SGCD: variants seen among roughly 807,000 people sequenced by gnomAD.
SGCD encodes sarcoglycan delta.
In SGCD, 18 loss-of-function variants were observed where a neutral mutation model predicts 36.6. The ratio of observed to expected loss-of-function variants is 0.49; its 90% CI spans 0.34 to 0.73. SGCD has a LOEUF of 0.73. SGCD is among the 30% of genes least tolerant of loss of function. The pLI is 0.01. For missense variants in SGCD, 387 were observed against 346.7 expected, an observed-to-expected ratio of 1.12 and a Z score of -0.92; for synonymous variants, 133 against 130.6, an observed-to-expected ratio of 1.02 and a Z score of -0.12.
At chr5:156,259,446 A>G (rs1453543002) in intron 3 of SGCD, among the ~76,000 whole-genome samples, 4 of 150,612 alleles carry the variant, frequency 2.7e-5, no homozygotes, top group African/African-American at 9.8e-5. Flanking sequence ...TTTACTGAGC[A>G]TTTTTTTTTA....
chr5:156,245,345 G>A (rs1405404873), intron 3 of SGCD, among the ~76,000 whole-genome samples: 3 of 152,106 alleles, frequency 2.0e-5, no homozygotes, highest in South Asian at 4.1e-4. Flanking sequence ...ATTATTGATA[G>A]GAAAATGCCA....
intron 1 of SGCD, among the ~76,000 whole-genome samples, chr5:155,958,894 G>A (rs1034621405): frequency 2.6e-5 from 4 of 152,072 alleles, no homozygotes; most frequent in African/African-American, 9.7e-5. Flanking sequence ...TTGAAGGCAG[G>A]CAGTAGGGGT....
intron 3 of SGCD, among the ~76,000 whole-genome samples, chr5:156,286,526 G>A (rs899434500): frequency 6.6e-6 from 1 of 152,310 alleles, no homozygotes; most frequent in Non-Finnish European, 1.5e-5. Context: ...CCTTTGTAGG[G>A]ACATGGATGA....
intron 1 of SGCD, among the ~76,000 whole-genome samples, chr5:156,102,488 G>T (rs950134693): frequency 6.6e-6 from 1 of 151,878 alleles, no homozygotes. Flanking sequence ...TTCCTTATTC[G>T]AAATGTCTGT....
At chr5:156,721,046 G>A (rs1033324365) in intron 7 of SGCD, among the ~76,000 whole-genome samples, 1 of 152,192 alleles carries the variant, frequency 6.6e-6, no homozygotes, top group African/African-American at 2.4e-5. Context: ...ATCAGTGATA[G>A]CCTCAATGAT....
At chr5:156,120,859 G>A (rs1159360253) in intron 2 of SGCD, among the ~76,000 whole-genome samples, 1 of 152,132 alleles carries the variant, frequency 6.6e-6, no homozygotes, top group African/African-American at 2.4e-5. Flanking sequence ...CTGAATTACA[G>A]CATTGTTTGC....
At chr5:156,417,659 T>C (rs1192471063) in intron 3 of SGCD, among the ~76,000 whole-genome samples, 2 of 152,292 alleles carry the variant, frequency 1.3e-5, no homozygotes, top group African/African-American at 4.8e-5. Context: ...GGTGTCTTTT[T>C]TCTTACAGGG....
chr5:156,027,042 C>T (rs564451447), intron 1 of SGCD, among the ~76,000 whole-genome samples: 2 of 152,286 alleles, frequency 1.3e-5, no homozygotes, highest in South Asian at 4.1e-4. Context: ...TCCACAATCC[C>T]TGAGTAACTT....
chr5:155,932,915 T>C (rs1339457409), intron 1 of SGCD, among the ~76,000 whole-genome samples: 2 of 152,158 alleles, frequency 1.3e-5, no homozygotes, highest in African/African-American at 4.8e-5. Context: ...CTTTTCCTTG[T>C]CATCCATCAT....
chr5:156,606,000 G>T (rs1284896471), intron 6 of SGCD, among the ~76,000 whole-genome samples: 5 of 152,122 alleles, frequency 3.3e-5, no homozygotes, highest in Non-Finnish European at 5.9e-5. Flanking sequence ...TGGGTTGCCC[G>T]TTCACTCTGA....
intron 1 of SGCD, among the ~76,000 whole-genome samples, chr5:156,087,089 T>C (rs570780235): frequency 3.9e-5 from 6 of 152,320 alleles, no homozygotes; most frequent in African/African-American, 1.2e-4. Flanking sequence ...TTAACAGTAG[T>C]AGGATCCACA....
intron 3 of SGCD, among the ~76,000 whole-genome samples, chr5:156,273,629 G>T (rs1766239297): frequency 6.6e-6 from 1 of 152,108 alleles, no homozygotes. Flanking sequence ...AGAATTTTTA[G>T]CATCCCTTCT....
chr5:155,901,316 GAAA>G (rs11396332), intron 1 of SGCD, among the ~76,000 whole-genome samples: 14 of 138,142 alleles, frequency 1.0e-4, no homozygotes, highest in Non-Finnish European at 1.9e-4. Context: ...CCATCTCAGA[GAAA>G]AAAAAAAAAA....
chr5:156,353,813 A>G (rs1354048170), intron 3 of SGCD, among the ~76,000 whole-genome samples: 1 of 152,182 alleles, frequency 6.6e-6, no homozygotes, highest in African/African-American at 2.4e-5. Context: ...ACAAAAATTT[A>G]TTTTTATTCC....
chr5:155,800,152 T>G, the SGCD span, among the ~76,000 whole-genome samples: 1 of 152,148 alleles, frequency 6.6e-6, no homozygotes, highest in East Asian at 1.9e-4. Flanking sequence ...GATAGTTTAA[T>G]AGCATAAATC....
chr5:156,399,890 C>G (rs1772052625), intron 3 of SGCD, among the ~76,000 whole-genome samples: 1 of 152,100 alleles, frequency 6.6e-6, no homozygotes, highest in Non-Finnish European at 1.5e-5. Context: ...TTGTTCCTGT[C>G]ACTATATATT....
chr5:156,490,461 A>G (rs935848413), intron 3 of SGCD, among the ~76,000 whole-genome samples: 1 of 147,374 alleles, frequency 6.8e-6, no homozygotes, highest in African/African-American at 2.5e-5. Flanking sequence ...CCTCAACAAA[A>G]TACTAGTAAA....
chr5:156,117,980 A>G (rs1296370914), intron 2 of SGCD: 1 of 152,170 alleles, frequency 6.6e-6, no homozygotes, highest in Non-Finnish European at 1.5e-5. Context: ...CGCTGATATC[A>G]GTTATGCTGA....
chr5:156,650,133 G>A (rs1292104732), intron 7 of SGCD, among the ~76,000 whole-genome samples: 1 of 152,092 alleles, frequency 6.6e-6, no homozygotes, highest in African/African-American at 2.4e-5. Flanking sequence ...GTTATGCTGA[G>A]ACATAATCGT....
Sources: allele counts gnomAD v4.1 joint callset (sites outside exome capture counted in the v4.1 genomes callset), GRCh38; gene constraint gnomAD v4.1.1; transcripts MANE v1.5; gene names NCBI Gene and HGNC (gene_info 2026-07-23, HGNC 2026-07-21).